AKAP9: variants seen among roughly 807,000 people sequenced by gnomAD.
AKAP9 encodes A-kinase anchoring protein 9, also known as A-kinase anchor protein 9.
Under a neutral mutation model 488.5 loss-of-function variants are expected in AKAP9, and 311 were observed. The ratio of observed to expected loss-of-function variants is 0.64; its 90% CI spans 0.58 to 0.70. AKAP9 has a LOEUF of 0.70. AKAP9 is among the 30% of genes least tolerant of loss of function. The pLI, the probability that AKAP9 is intolerant of heterozygous loss-of-function variation, is 0.00. For missense variants in AKAP9, 4,215 were observed against 4,374.5 expected (o/e 0.96, Z 1.03); for synonymous variants, 1,462 against 1,483.5 (o/e 0.99, Z 0.33).
At chr7:91,976,328 C>G (rs536182723) in intron 2 of AKAP9, among the ~76,000 whole-genome samples, 13 of 152,074 alleles carry the variant, frequency 8.5e-5, no homozygotes, top group Non-Finnish European at 1.8e-4. Context: ...CTTCAGTGAT[C>G]CTCCCACCTC....
intron 1 of AKAP9, among the ~76,000 whole-genome samples, chr7:91,971,259 T>A (rs1156869325): frequency 6.6e-6 from 1 of 152,198 alleles, no homozygotes; most frequent in Non-Finnish European, 1.5e-5. Context: ...CATTCTCCTG[T>A]TGAGAGCCTC....
At position 92,001,030 on chromosome 7, in the gene AKAP9, A is replaced by G. The variant is rs760101767; in HGVS notation, c.1113A>G (p.Gln371=). 39 of 1,582,928 alleles carry G rather than the reference A, an allele frequency of 2.5e-5. No homozygotes were observed. In the South Asian group the frequency reaches 4.0e-4, roughly 16 times the overall value. ...ELQEQIVQKN[Q]EIKNMKLELT... is the part of the protein sequence containing the mutation. ...AAGAACAGATTGTGCAAAAGAACCAAGAAATAAAAAACATGAAATTAGAGC... is the reference window on the plus strand; with the variant it reads ...AAGAACAGATTGTGCAAAAGAACCAGGAAATAAAAAACATGAAATTAGAGC... Residue 371 remains glutamine, a synonymous_variant, in exon 8 of 50, where the codon CAA becomes CAG. Transcript: ENST00000356239.
intron 14 of AKAP9, among the ~76,000 whole-genome samples, chr7:92,023,239 A>C (rs1802587063): frequency 6.6e-6 from 1 of 152,230 alleles, no homozygotes; most frequent in Non-Finnish European, 1.5e-5. Context: ...AAATTTTTAC[A>C]TTATAAAGAT....
In AKAP9 at chr7:91,961,916, G is replaced by A. The variant is rs114789310; in HGVS notation, c.49-11795G>A. Reference sequence around the variant, plus strand: ...AGTCATTTATTCATGTTCTGATCAGGGTAAGACATTTGCTTGAGATCCGAA... The same window carrying A: ...AGTCATTTATTCATGTTCTGATCAGAGTAAGACATTTGCTTGAGATCCGAA... On this transcript the variant is annotated intron_variant, in intron 1 of 49. Coordinates refer to ENST00000356239, the MANE Select transcript of AKAP9 (RefSeq NM_005751.5). 1.4e-3 allele frequency among the ~76,000 whole-genome samples: 215 copies of A among 152,226 alleles called. 1 individual carries two copies. Among genetic ancestry groups the A allele is most frequent in the African/African-American group, 5.0e-3 (206 of 41,536 alleles).
At chr7:91,947,463 C>T (rs1791605293) in intron 1 of AKAP9, among the ~76,000 whole-genome samples, 1 of 152,016 alleles carries the variant, frequency 6.6e-6, no homozygotes, top group Admixed American at 6.6e-5. Flanking sequence ...CTGCCTCAGC[C>T]TCCCGAGTAG....
At chr7:92,102,449 TAC>T (rs889459348) in intron 45 of AKAP9, 143 bp from the exon 46 acceptor site, 2 of 84,240 alleles carry the variant, frequency 2.4e-5, no homozygotes, top group African/African-American at 3.2e-4. Flanking sequence ...GTTTTACTAT[TAC>T]TACTACTACT....
At chr7:92,051,856 T>G (rs1808037421) in intron 21 of AKAP9, among the ~76,000 whole-genome samples, 1 of 152,204 alleles carries the variant, frequency 6.6e-6, no homozygotes, top group African/African-American at 2.4e-5. Context: ...TTCAGGAAAC[T>G]TCACTGTTGA....
chr7:92,012,729 A>G, intron 9 of AKAP9, 87 bp downstream of exon 9: 1 of 1,116,854 alleles, frequency 9.0e-7, no homozygotes, highest in Non-Finnish European at 1.3e-6. Flanking sequence ...CTTGTCATAG[A>G]ACCCACAGAG....
At chr7:92,073,478 C>T (rs866976757) in intron 28 of AKAP9, among the ~76,000 whole-genome samples, 3 of 151,312 alleles carry the variant, frequency 2.0e-5, no homozygotes, top group Non-Finnish European at 4.4e-5. Context: ...TGCACTCTAG[C>T]GTGGGCAACA....
intron 3 of AKAP9, among the ~76,000 whole-genome samples, chr7:91,981,707 C>G (rs1796434014): frequency 6.8e-6 from 1 of 147,102 alleles, no homozygotes. Context: ...CCTCCTGGAT[C>G]TAAGCAATTC....
intron 14 of AKAP9, among the ~76,000 whole-genome samples, chr7:92,026,665 G>A (rs557000448): frequency 4.6e-5 from 7 of 152,310 alleles, no homozygotes; most frequent in East Asian, 1.9e-4. Context: ...AGTGCGTGGC[G>A]TGATCTCAGC....
intron 14 of AKAP9, among the ~76,000 whole-genome samples, chr7:92,024,454 T>TA (rs1554417381): frequency 5.2e-4 from 77 of 148,266 alleles, no homozygotes; most frequent in Non-Finnish European, 7.5e-5. Flanking sequence ...TATATATATA[T>TA]TATATATATA....
At chr7:92,091,471 A>G (rs766571923) in intron 38 of AKAP9, among the ~76,000 whole-genome samples, 4 of 151,796 alleles carry the variant, frequency 2.6e-5, no homozygotes, top group Non-Finnish European at 5.9e-5. Context: ...CTGTAATCCC[A>G]GCTACTCGGG....
chr7:92,014,574 A>G (rs1801244527), intron 10 of AKAP9, among the ~76,000 whole-genome samples: 1 of 152,204 alleles, frequency 6.6e-6, no homozygotes, highest in Admixed American at 6.5e-5. Context: ...GGTTGCAGTG[A>G]GTGGAGATCA....
At chr7:92,064,385 C>A (rs1200627489) in intron 24 of AKAP9, among the ~76,000 whole-genome samples, 1 of 151,954 alleles carries the variant, frequency 6.6e-6, no homozygotes, top group Non-Finnish European at 1.5e-5. Context: ...TTACTATATA[C>A]ACTTTGTTAT....
intron 22 of AKAP9, among the ~76,000 whole-genome samples, chr7:92,055,056 A>G (rs1808554989): frequency 6.6e-6 from 1 of 152,020 alleles, no homozygotes; most frequent in South Asian, 2.1e-4. Flanking sequence ...CAGAAGTATT[A>G]TTTAGAGCCA....
At chr7:91,958,055 A>G (rs1793273341) in intron 1 of AKAP9, among the ~76,000 whole-genome samples, 1 of 152,172 alleles carries the variant, frequency 6.6e-6, no homozygotes, top group South Asian at 2.1e-4. Context: ...TGAAGTCAAA[A>G]GCAAACTGAT....
At chr7:91,949,581 C>T (rs1270387966) in intron 1 of AKAP9, among the ~76,000 whole-genome samples, 1 of 152,148 alleles carries the variant, frequency 6.6e-6, no homozygotes, top group Non-Finnish European at 1.5e-5. Context: ...TATGAGATGT[C>T]TTTGTTGTCA....
At chr7:91,969,096 C>CAAAA (rs1794756634) in intron 1 of AKAP9, among the ~76,000 whole-genome samples, 3 of 151,762 alleles carry the variant, frequency 2.0e-5, no homozygotes, top group African/African-American at 7.3e-5. Flanking sequence ...AATCTTGTTG[C>CAAAA]CCAGGTTGGT....
Sources: allele counts gnomAD v4.1 joint callset (sites outside exome capture counted in the v4.1 genomes callset), GRCh38; gene constraint gnomAD v4.1.1; transcripts MANE v1.5; gene names NCBI Gene and HGNC (gene_info 2026-07-23, HGNC 2026-07-21).